BRCA2: variants seen among roughly 807,000 people sequenced by gnomAD.
BRCA2 encodes breast cancer type 2 susceptibility protein.
In BRCA2, 203 loss-of-function variants were observed where a neutral mutation model predicts 276.7. The ratio of observed to expected loss-of-function variants is 0.73; its 90% CI spans 0.65 to 0.82. The LOEUF (loss-of-function observed/expected upper bound fraction) is 0.82, where lower values mean the gene tolerates loss of function less well. Ranked by LOEUF, BRCA2 falls within the 40% of genes least tolerant of loss-of-function variation. BRCA2 has a pLI of 0.00. For synonymous variants in BRCA2, 1,289 were observed against 1,338.4 expected, an observed-to-expected ratio of 0.96 and a Z score of 0.81; for missense variants, 3,920 against 3,915.0, an observed-to-expected ratio of 1.00 and a Z score of -0.03.
At position 32,344,557 on chromosome 13, in the gene BRCA2, G is replaced by A; in HGVS notation, c.6842-1G>A. On this transcript the variant is annotated splice_acceptor_variant, in intron 11 of 26. Coordinates refer to ENST00000380152, the MANE Select transcript of BRCA2 (RefSeq NM_000059.4). LOFTEE classifies it high-confidence loss of function. The stretch of plus-strand genomic sequence containing the variant: ...AACATATATGAAATATTTCTTTTTA[G>A]GAGAACCCTCAATCAAAAGAAACTT... 6.6e-7 allele frequency: 1 copy of A among 1,507,188 alleles called. No homozygotes were observed. Among genetic ancestry groups the A allele is most frequent in the Non-Finnish European group, 9.2e-7 (1 of 1,087,214 alleles). The allele number at this position is 1,507,188 out of a possible 1,614,324, so 93.4% of individuals were successfully genotyped here.
chr13:32,394,718 G>A lies in BRCA2; in HGVS notation c.9286G>A (p.Glu3096Lys), dbSNP rs80359199. ...GLAPFVYLSD[E>K]CYNLLAIKFW... Reference sequence around the variant, plus strand: ...TGCCCCTTTCGTCTATTTGTCAGACGAATGTTACAATTTACTGGCAATAAA... The same window carrying A: ...TGCCCCTTTCGTCTATTTGTCAGACAAATGTTACAATTTACTGGCAATAAA... The change falls in exon 25 of 27, where the codon GAA (glutamate) becomes AAA (lysine). Residue 3096 changes from glutamate to lysine, a missense_variant. By Grantham distance (56) the Glu-to-Lys change is moderately conservative. Around this residue, in one of 2 missense-constraint regions of BRCA2, gnomAD observed 657 missense variants for 758.2 expected, o/e 0.87. Transcript: ENST00000380152. 3.7e-6 allele frequency: 6 copies of A among 1,613,404 alleles called. No individual in the cohort carries two copies. The highest frequency in any genetic ancestry group is 2.2e-5 in the East Asian group (1 of 44,864).
intron 18 of BRCA2, among the ~76,000 whole-genome samples, chr13:32,369,453 A>T (rs996802378): frequency 1.1e-4 from 17 of 151,588 alleles, no homozygotes; most frequent in African/African-American, 4.1e-4. Flanking sequence ...TTTCATGTTA[A>T]CTCCTTACAA....
chr13:32,368,502 C>T (rs1593928758), intron 18 of BRCA2, among the ~76,000 whole-genome samples: 1 of 149,656 alleles, frequency 6.7e-6, no homozygotes, highest in Admixed American at 6.6e-5. Flanking sequence ...TTTTCATTTT[C>T]GTTTTTTCTG....
chr13:32,376,853 A>G, intron 21 of BRCA2, 62 bp downstream of exon 21: 1 of 1,598,280 alleles, frequency 6.3e-7, no homozygotes, highest in South Asian at 1.1e-5. Context: ...AAGCTGTTTT[A>G]GACTCTCTGG....
rs2138705338 is a variant in BRCA2 at position 32,319,264 on chromosome 13, G to A, written c.255G>A (p.Gly85=). Residue 85 remains glycine, a synonymous_variant, in exon 3 of 27, where the codon GGG becomes GGA. Coordinates refer to ENST00000380152, the MANE Select transcript of BRCA2 (RefSeq NM_000059.4). The part of the protein sequence containing the change: ...ASTPIIFKEQ[G]LTLPLYQSPV... ...CTCCAATAATATTCAAAGAGCAAGG[G>A]CTGACTCTGCCGCTGTACCAATCTC... 1 of 1,613,870 alleles carries A rather than the reference G, an allele frequency of 6.2e-7. No individual in the cohort carries two copies. The highest frequency in any genetic ancestry group is 8.5e-7 in the Non-Finnish European group (1 of 1,179,794).
chr13:32,316,998 G>C (rs1388941963), intron 2 of BRCA2, among the ~76,000 whole-genome samples: 1 of 152,172 alleles, frequency 6.6e-6, no homozygotes, highest in Non-Finnish European at 1.5e-5. Context: ...AGAAGTTTGA[G>C]ACCAGCCTGG....
intron 24 of BRCA2, among the ~76,000 whole-genome samples, chr13:32,386,936 A>G (rs2072964876): frequency 6.6e-6 from 1 of 152,220 alleles, no homozygotes; most frequent in Admixed American, 6.5e-5. Context: ...AAGTGTTGGC[A>G]GGGTTAATTC....
At chr13:32,371,687 T>A (rs1291031144) in intron 20 of BRCA2, among the ~76,000 whole-genome samples, 1 of 152,166 alleles carries the variant, frequency 6.6e-6, no homozygotes, top group Non-Finnish European at 1.5e-5. Context: ...TCATACTATT[T>A]TCATAAATAA....
chr13:32,348,114 C>T (rs541826412), intron 13 of BRCA2, among the ~76,000 whole-genome samples: 1 of 151,860 alleles, frequency 6.6e-6, no homozygotes, highest in African/African-American at 2.4e-5. Context: ...AATATGATAG[C>T]ACAAATAAAT....
intron 3 of BRCA2, among the ~76,000 whole-genome samples, chr13:32,320,148 G>C (rs562604111): frequency 1.1e-4 from 17 of 152,292 alleles, no homozygotes; most frequent in African/African-American, 4.1e-4. Context: ...TGTCTGAAAG[G>C]GACCAATAGA....
rs80358989 is a variant in BRCA2 at position 32,357,749 on chromosome 13, C to A, written c.7625C>A (p.Thr2542Lys). Reference protein sequence around the residue: ...PSACSHKQLYTYGVSKHCIKI... With the variant: ...PSACSHKQLYKYGVSKHCIKI... Reference sequence around the variant, plus strand: ...TGTGTTTATTTTGTGTAGCTGTATACGTATGGCGTTTCTAAACATTGCATA... The same window carrying A: ...TGTGTTTATTTTGTGTAGCTGTATAAGTATGGCGTTTCTAAACATTGCATA... The change falls in exon 16 of 27, where the codon ACG becomes AAG. Residue 2542 changes from threonine to lysine, a missense_variant. By Grantham distance (78) the Thr-to-Lys change is moderately conservative. Coordinates refer to ENST00000380152, the MANE Select transcript of BRCA2 (RefSeq NM_000059.4). 3.7e-6 allele frequency: 6 copies of A among 1,611,290 alleles called. No individual in the cohort carries two copies. In the South Asian group the frequency reaches 5.5e-5, roughly 15 times the overall value.
At chr13:32,388,628 CT>C (rs1427718137) in intron 24 of BRCA2, among the ~76,000 whole-genome samples, 1 of 150,970 alleles carries the variant, frequency 6.6e-6, no homozygotes, top group African/African-American at 2.4e-5. Flanking sequence ...CTAGGCTAAC[CT>C]CTATGCTCAG....
At position 32,396,908 on chromosome 13, in the gene BRCA2, T is replaced by C. The variant is rs1566260078; in HGVS notation, c.9512T>C (p.Ile3171Thr). Residue 3171 changes from isoleucine to threonine, a missense_variant, in exon 26 of 27, where the codon ATA becomes ACA. Ile to Thr is a moderately conservative substitution (Grantham distance 89). Around this residue, in one of 2 missense-constraint regions of BRCA2, gnomAD observed 657 missense variants for 758.2 expected, o/e 0.87. Transcript: ENST00000380152. ...KMKNTVENID[I>T]LCNEAENKLM... ...CACTTATTTTCTTAGAATATTGACA[T>C]ACTTTGCAATGAAGCAGAAAACAAG... 6.2e-7 allele frequency: 1 copy of C among 1,614,142 alleles called. No homozygotes were observed. Among genetic ancestry groups the C allele is most frequent in the Non-Finnish European group, 8.5e-7 (1 of 1,180,004 alleles).
At chr13:32,389,343 T>C (rs2072981962) in intron 24 of BRCA2, among the ~76,000 whole-genome samples, 1 of 152,212 alleles carries the variant, frequency 6.6e-6, no homozygotes, top group Non-Finnish European at 1.5e-5. Context: ...TTATCGTATA[T>C]GTCCATTTCT....
chr13:32,395,960 CTTTTTTTTTT>C (rs397838402), intron 25 of BRCA2: 56 of 79,198 alleles, frequency 7.1e-4, no homozygotes, highest in Non-Finnish European at 9.3e-4. Context: ...TTCTTTCTTT[CTTTTTTTTTT>C]TTTTTTTTTT....
rs540770943 is a variant in BRCA2, at chr13:32,344,733, G to C, written c.6937+80G>C. The stretch of plus-strand genomic sequence containing the variant: ...TATTCTGACCTCAGGTGATCCACCT[G>C]CCTCTCAAAGTGCTGGGATTACAGA... On this transcript the variant is annotated intron_variant, in intron 12 of 26. Coordinates refer to ENST00000380152, the MANE Select transcript of BRCA2 (RefSeq NM_000059.4). 3 of 995,876 alleles carry C rather than the reference G, an allele frequency of 3.0e-6. No individual in the cohort carries two copies. The East Asian group carries it at 7.6e-5, about 25-fold the overall frequency. 61.7% of individuals were successfully genotyped at this position (995,876 alleles called of 1,614,324 possible). A position where few individuals can be genotyped will look rare whatever the true frequency, so the allele number is the denominator to read the frequency against.
intron 9 of BRCA2, among the ~76,000 whole-genome samples, chr13:32,331,647 A>G (rs954795684): frequency 1.3e-5 from 2 of 152,168 alleles, no homozygotes; most frequent in East Asian, 1.9e-4. Flanking sequence ...TGTGGTTGTG[A>G]CACAAAAACA....
At chr13:32,316,674 A>G (rs2072264044) in intron 2 of BRCA2, 147 bp downstream of exon 2, 1 of 751,776 alleles carries the variant, frequency 1.3e-6, no homozygotes, top group Admixed American at 2.4e-5. Context: ...CAACATAATC[A>G]TCGTTTGCAG....
At position 32,389,721 on chromosome 13, in the gene BRCA2, G is replaced by T. The variant is rs1415508932; in HGVS notation, c.9257-4968G>T. On this transcript the variant is annotated intron_variant, in intron 24 of 26. Transcript: ENST00000380152. ...TTGTGACATAACCCCATCATAAGTT[G>T]TCCTCGACTGTGTTTCCAGATAAGG... 2.6e-5 allele frequency among the ~76,000 whole-genome samples: 4 copies of T among 152,092 alleles called. No individual in the cohort carries two copies. In the East Asian group the frequency reaches 7.7e-4, roughly 29 times the overall value.
Sources: allele counts gnomAD v4.1 joint callset (sites outside exome capture counted in the v4.1 genomes callset), GRCh38; gene constraint gnomAD v4.1.1; regional missense constraint gnomAD v4.1.1; transcripts MANE v1.5; gene names NCBI Gene and HGNC (gene_info 2026-07-23, HGNC 2026-07-21).